Variants in COL4A2 observed in about 807,000 individuals in gnomAD.
COL4A2 encodes collagen alpha-2(IV) chain.
In COL4A2, 99 loss-of-function variants were observed where a neutral mutation model predicts 200.2. The ratio of observed to expected loss-of-function variants is 0.49; its 90% CI spans 0.42 to 0.58. The LOEUF is 0.58. Ranked by LOEUF, COL4A2 falls within the 20% of genes least tolerant of loss-of-function variation. The pLI, the probability that COL4A2 is intolerant of heterozygous loss-of-function variation, is 0.00. For missense variants in COL4A2, 1,950 were observed against 2,314.1 expected (o/e 0.84, Z 3.23); for synonymous variants, 897 against 900.6 (o/e 1.00, Z 0.07).
At chr13:110,379,437 A>G (rs1214422380) in intron 4 of COL4A2, among the ~76,000 whole-genome samples, 3 of 152,182 alleles carry the variant, frequency 2.0e-5, no homozygotes, top group Admixed American at 1.3e-4. Flanking sequence ...CATTTCTTTC[A>G]TGTACTCAGC....
intron 47 of COL4A2, 95 bp from the exon 48 acceptor site, chr13:110,511,839 A>C: frequency 1.3e-6 from 2 of 1,575,282 alleles, no homozygotes; most frequent in Non-Finnish European, 1.7e-6. Context: ...TTTGCTGTTC[A>C]GTAAAAACAA....
intron 4 of COL4A2, among the ~76,000 whole-genome samples, chr13:110,406,946 G>A (rs1879594853): frequency 6.6e-6 from 1 of 152,154 alleles, no homozygotes; most frequent in African/African-American, 2.4e-5. Flanking sequence ...TATGCCTTCA[G>A]GGGCCCGGCA....
intron 47 of COL4A2, among the ~76,000 whole-genome samples, chr13:110,511,014 C>A (rs926403807): frequency 2.0e-5 from 3 of 152,062 alleles, no homozygotes; most frequent in Admixed American, 2.0e-4. Context: ...TAAACTGGGG[C>A]CCCTGCCCAA....
Position 110,307,831 on chromosome 13 carries a change from G to A in COL4A2, c.-44-29G>A, listed in dbSNP as rs747729009. 2.5e-5 allele frequency: 38 copies of A among 1,535,896 alleles called. No homozygotes were observed. Among genetic ancestry groups the A allele is most frequent in the Non-Finnish European group, 3.1e-5 (35 of 1,135,362 alleles). On this transcript the variant is annotated intron_variant, in intron 1 of 47. Coordinates refer to ENST00000360467, the MANE Select transcript of COL4A2 (RefSeq NM_001846.4). The surrounding 1 kb of genome is among the most constrained non-coding windows in gnomAD (Gnocchi z 5.0). ...GGATGGGCTGCCTCCCTCATCCTGC[G>A]CTAAACTCGCTTTGTCTGTCGCCTC...
intron 29 of COL4A2, among the ~76,000 whole-genome samples, chr13:110,476,409 C>G (rs751954043): frequency 2.0e-5 from 3 of 152,252 alleles, no homozygotes; most frequent in Non-Finnish European, 4.4e-5. Context: ...CTTAGAGAAT[C>G]TCATTTCAGA....
intron 7 of COL4A2, 97 bp downstream of exon 7, chr13:110,428,680 G>T: frequency 1.6e-6 from 1 of 611,856 alleles, no homozygotes; most frequent in South Asian, 2.7e-5. Context: ...ACTGTGGCCA[G>T]AACGGAAGCA....
chr13:110,416,804 C>G (rs1264066204), intron 4 of COL4A2, among the ~76,000 whole-genome samples: 1 of 152,204 alleles, frequency 6.6e-6, no homozygotes, highest in African/African-American at 2.4e-5. Flanking sequence ...AGTGGCTTCC[C>G]AGACTTCGCC....
chr13:110,410,021 C>T (rs1413612520), intron 4 of COL4A2, among the ~76,000 whole-genome samples: 6 of 152,180 alleles, frequency 3.9e-5, no homozygotes, highest in Non-Finnish European at 8.8e-5. Context: ...ATCAGACACT[C>T]GGTGTTACTG....
intron 40 of COL4A2, among the ~76,000 whole-genome samples, chr13:110,496,660 C>T (rs112983836): frequency 0.019 from 2,778 of 144,224 alleles, 117 homozygotes; most frequent in African/African-American, 0.068. Context: ...GTCAGTCCAC[C>T]AGCACAGCCT....
chr13:110,483,646 A>G (rs1465549636), intron 32 of COL4A2, among the ~76,000 whole-genome samples: 1 of 148,614 alleles, frequency 6.7e-6, no homozygotes, highest in Non-Finnish European at 1.5e-5. Flanking sequence ...TGTATATGAG[A>G]TGTCCCCAGT....
At chr13:110,502,963 A>G in intron 41 of COL4A2, 158 bp from the exon 42 acceptor site, 2 of 691,496 alleles carry the variant, frequency 2.9e-6, no homozygotes, top group South Asian at 3.7e-5. Context: ...TTTATGTTCT[A>G]CGTATTTTAC....
intron 4 of COL4A2, among the ~76,000 whole-genome samples, chr13:110,374,924 T>C (rs999767303): frequency 2.0e-5 from 3 of 152,246 alleles, no homozygotes; most frequent in Admixed American, 6.5e-5. Flanking sequence ...GGTGAGATAC[T>C]GTGTAGATCT....
Position 110,484,396 on chromosome 13 carries a change from C to T in COL4A2, c.2903-509C>T, listed in dbSNP as rs117784271. On this transcript the variant is annotated intron_variant, in intron 32 of 47. Transcript: ENST00000360467. ...GCCTGAACTAGCACAGTTTCCCGCC[C>T]GGCCCGCAGCTCTGGGCCCCTCCCC... 4.4e-3 allele frequency among the ~76,000 whole-genome samples: 674 copies of T among 152,228 alleles called. 4 individuals carry two copies. Among genetic ancestry groups the T allele is most frequent in the Non-Finnish European group, 7.0e-3 (475 of 68,024 alleles).
intron 32 of COL4A2, among the ~76,000 whole-genome samples, chr13:110,483,290 AACC>A (rs1882997130): frequency 6.6e-6 from 1 of 152,310 alleles, no homozygotes; most frequent in African/African-American, 2.4e-5. Context: ...GAGAAATGGG[AACC>A]TTCACAGGCT....
chr13:110,369,119 G>A (rs1339668661), intron 4 of COL4A2, among the ~76,000 whole-genome samples: 1 of 152,168 alleles, frequency 6.6e-6, no homozygotes, highest in Non-Finnish European at 1.5e-5. Flanking sequence ...GTTGAGGCAG[G>A]AGAATCACTT....
chr13:110,423,568 T>C (rs561445419), intron 4 of COL4A2, among the ~76,000 whole-genome samples: 19 of 152,286 alleles, frequency 1.2e-4, no homozygotes, highest in Non-Finnish European at 2.2e-4. Flanking sequence ...ATGCATAACA[T>C]CGAAATTACC....
intron 4 of COL4A2, among the ~76,000 whole-genome samples, chr13:110,388,543 T>A (rs769755476): frequency 6.6e-6 from 1 of 152,174 alleles, no homozygotes; most frequent in Non-Finnish European, 1.5e-5. Context: ...AAGGAATGTG[T>A]TTATGAGAGA....
At chr13:110,403,674 G>GT (rs1879458858) in intron 4 of COL4A2, among the ~76,000 whole-genome samples, 1 of 152,152 alleles carries the variant, frequency 6.6e-6, no homozygotes, top group African/African-American at 2.4e-5. Flanking sequence ...GGCCATGTAG[G>GT]TTTTTTTCTA....
At chr13:110,349,913 G>A (rs1375877875) in intron 3 of COL4A2, among the ~76,000 whole-genome samples, 1 of 152,108 alleles carries the variant, frequency 6.6e-6, no homozygotes, top group Non-Finnish European at 1.5e-5. Context: ...ACAAGCGTGA[G>A]CCACCATGTC....
Sources: allele counts gnomAD v4.1 joint callset (sites outside exome capture counted in the v4.1 genomes callset), GRCh38; gene constraint gnomAD v4.1.1; non-coding constraint Gnocchi (gnomAD v3.1); transcripts MANE v1.5; gene names NCBI Gene and HGNC (gene_info 2026-07-23, HGNC 2026-07-21).